The following CACNA1D variants were observed in gnomAD, a reference collection of about 807,000 sequenced individuals.
The protein encoded by CACNA1D is calcium voltage-gated channel subunit alpha1 D, also known as voltage-dependent L-type calcium channel subunit alpha-1D.
CACNA1D carries 55 observed loss-of-function variants against 257.1 expected under a neutral mutation model. The ratio of observed to expected loss-of-function variants is 0.21; its 90% CI spans 0.17 to 0.27. The LOEUF (loss-of-function observed/expected upper bound fraction) is 0.27. CACNA1D is among the 10% of genes least tolerant of loss of function. The pLI is 1.00. For synonymous variants in CACNA1D, 980 were observed against 1,014.9 expected (o/e 0.97, Z 0.65); for missense variants, 1,876 against 2,784.0 (o/e 0.67, Z 7.34).
At chr3:53,696,526 C>A (rs1390542450) in intron 8 of CACNA1D, among the ~76,000 whole-genome samples, 1 of 152,144 alleles carries the variant, frequency 6.6e-6, no homozygotes, top group Non-Finnish European at 1.5e-5. Flanking sequence ...GAGGGGGCCA[C>A]CCAGGGTAGG....
chr3:53,686,294 A>G (rs996923799), intron 8 of CACNA1D, among the ~76,000 whole-genome samples: 1 of 152,046 alleles, frequency 6.6e-6, no homozygotes, highest in Non-Finnish European at 1.5e-5. Flanking sequence ...CCGATTTAGA[A>G]AAAAATTATA....
intron 3 of CACNA1D, among the ~76,000 whole-genome samples, chr3:53,541,827 G>C (rs1186547554): frequency 6.6e-6 from 1 of 151,994 alleles, no homozygotes; most frequent in Non-Finnish European, 1.5e-5. Flanking sequence ...TTTGTATAAC[G>C]GTCTTTTACC....
At chr3:53,637,289 G>A (rs1021281978) in intron 3 of CACNA1D, among the ~76,000 whole-genome samples, 2 of 152,200 alleles carry the variant, frequency 1.3e-5, no homozygotes, top group Non-Finnish European at 2.9e-5. Context: ...TACCACTGCA[G>A]TATTCGTATT....
intron 8 of CACNA1D, among the ~76,000 whole-genome samples, chr3:53,677,102 T>C (rs1447834370): frequency 3.3e-5 from 5 of 152,236 alleles, no homozygotes; most frequent in African/African-American, 1.2e-4. Flanking sequence ...GGTTTTCATC[T>C]TTAGAATCAT....
At position 53,760,073 on chromosome 3, in the gene CACNA1D, G is replaced by A. The variant is rs3774566; in HGVS notation, c.3787-1925G>A. On this transcript the variant is annotated intron_variant, in intron 29 of 47. Coordinates refer to ENST00000350061, the MANE Select transcript of CACNA1D (RefSeq NM_001128840.3). Reference sequence around the variant, plus strand: ...CCAGGGAGGGTAGCAGTCAGTGAGGGTAAAATGGGAGAGAGGCACTGTGAT... The same window carrying A: ...CCAGGGAGGGTAGCAGTCAGTGAGGATAAAATGGGAGAGAGGCACTGTGAT... 8.7e-4 allele frequency among the ~76,000 whole-genome samples: 132 copies of A among 152,310 alleles called. No homozygotes were observed. In the East Asian group the frequency reaches 0.021, roughly 24 times the overall value.
chr3:53,648,384 G>A (rs2094045494), intron 3 of CACNA1D, among the ~76,000 whole-genome samples: 1 of 152,164 alleles, frequency 6.6e-6, no homozygotes, highest in Non-Finnish European at 1.5e-5. Flanking sequence ...TTTGCCTCTG[G>A]TTGAAGTAAC....
intron 40 of CACNA1D, among the ~76,000 whole-genome samples, chr3:53,797,166 A>T (rs560060078): frequency 6.6e-6 from 1 of 152,200 alleles, no homozygotes; most frequent in African/African-American, 2.4e-5. Context: ...ACTTGTGCCT[A>T]TGGAATTTTG....
At chr3:53,692,686 G>A (rs954042056) in intron 8 of CACNA1D, among the ~76,000 whole-genome samples, 3 of 152,170 alleles carry the variant, frequency 2.0e-5, no homozygotes, top group Non-Finnish European at 2.9e-5. Context: ...AGGAAACACC[G>A]ACTCTGAAAA....
intron 19 of CACNA1D, among the ~76,000 whole-genome samples, chr3:53,734,799 C>T (rs759136577): frequency 3.3e-5 from 5 of 152,166 alleles, no homozygotes; most frequent in Non-Finnish European, 1.5e-5. Context: ...ATAATAATAA[C>T]ATCTATTACA....
rs1467231279 is a variant in CACNA1D, at chr3:53,596,247, C to T, written c.484-54532C>T. ...TCACTGTGTGACCTTCATCCCCCCT[C>T]CCCCCACTCCCTGTACCCTTTGAGT... On this transcript the variant is annotated intron_variant, in intron 3 of 47. Coordinates refer to ENST00000350061, the MANE Select transcript of CACNA1D (RefSeq NM_001128840.3). Among the ~76,000 whole-genome samples the T allele has an allele frequency of 7.9e-5, 12 of 152,156 alleles. No individual in the cohort carries two copies. The East Asian group carries it at 1.4e-3, about 17-fold the overall frequency.
At position 53,717,908 on chromosome 3, in the gene CACNA1D, T is replaced by A. The variant is rs147896572; in HGVS notation, c.1391-393T>A. Among the ~76,000 whole-genome samples, 513 of 152,346 alleles carry A rather than the reference T, an allele frequency of 3.4e-3. 3 individuals carry two copies. Among genetic ancestry groups the A allele is most frequent in the African/African-American group, 0.012 (492 of 41,590 alleles). On this transcript the variant is annotated intron_variant, in intron 9 of 47. Coordinates refer to ENST00000350061, the MANE Select transcript of CACNA1D (RefSeq NM_001128840.3). Reference sequence around the variant, plus strand: ...TAGGGTTATTCACAGATGTTCTATATGCACCTTTTGGGGCAAGCAAAGATG... The same window carrying A: ...TAGGGTTATTCACAGATGTTCTATAAGCACCTTTTGGGGCAAGCAAAGATG...
At chr3:53,731,016 G>A (rs536111507) in intron 16 of CACNA1D, 61 bp from the exon 17 acceptor site, 3 of 1,013,044 alleles carry the variant, frequency 3.0e-6, no homozygotes, top group Admixed American at 1.8e-5. Flanking sequence ...ATCCTGATTA[G>A]CATTTTTATA....
At chr3:53,785,531 G>A (rs1414307398) in intron 39 of CACNA1D, 1 of 152,226 alleles carries the variant, frequency 6.6e-6, no homozygotes, top group African/African-American at 2.4e-5. Context: ...GGGTACATTA[G>A]TGAAGGATGA....
chr3:53,562,799 G>A (rs930638053), intron 3 of CACNA1D, among the ~76,000 whole-genome samples: 15 of 152,146 alleles, frequency 9.9e-5, no homozygotes, highest in Non-Finnish European at 2.2e-4. Context: ...AATATACCCG[G>A]CTGCAGAAGT....
chr3:53,672,916 A>G, intron 7 of CACNA1D, 107 bp from the exon 8 acceptor site: 1 of 754,226 alleles, frequency 1.3e-6, no homozygotes, highest in African/African-American at 1.8e-5. Context: ...TTTAAATCTA[A>G]GTAAATGTTT....
rs1348497418 is a variant in CACNA1D at position 53,800,354 on chromosome 3, G to A, written c.5029G>A (p.Asp1677Asn). The change falls in exon 41 of 48, where the codon GAT becomes AAT. Residue 1677 changes from aspartate to asparagine, a missense_variant. By Grantham distance (23) the Asp-to-Asn change is conservative (BLOSUM62 1). Around this residue, in one of 10 missense-constraint regions of CACNA1D, gnomAD observed 160 missense variants for 236.6 expected, o/e 0.68. Transcript: ENST00000350061. The surrounding 1 kb of genome is among the most constrained non-coding windows in gnomAD (Gnocchi z 4.3). The stretch of plus-strand genomic sequence containing the variant: ...GGAAACAAAACGAGAAGAAGAAGAT[G>A]ATGTGTTCAAAGTAATTATTCCACG... The part of the protein sequence containing the change: ...PEETKREEED[D>N]VFKRNGALLG... 1 of 1,606,212 alleles carries A rather than the reference G, an allele frequency of 6.2e-7. No homozygotes were observed. Among genetic ancestry groups the A allele is most frequent in the East Asian group, 2.2e-5 (1 of 44,860 alleles).
At chr3:53,617,615 A>G (rs1487082975) in intron 3 of CACNA1D, among the ~76,000 whole-genome samples, 1 of 152,150 alleles carries the variant, frequency 6.6e-6, no homozygotes, top group Non-Finnish European at 1.5e-5. Flanking sequence ...ACAGCTGAGG[A>G]AAAGGAAGTG....
rs117284960 is a variant in CACNA1D at position 53,653,251 on chromosome 3, A to C, written c.623+2333A>C. ...GGGTGACAGAGTGAGACTCCATTTC[A>C]AAAAAAAAAGCAAACTGATATGCTA... On this transcript the variant is annotated intron_variant, in intron 4 of 47. Coordinates refer to ENST00000350061, the MANE Select transcript of CACNA1D (RefSeq NM_001128840.3). Among the ~76,000 whole-genome samples, 41 of 149,210 alleles carry C rather than the reference A, an allele frequency of 2.7e-4. No individual in the cohort carries two copies. In the East Asian group the frequency reaches 8.0e-3, roughly 29 times the overall value.
chr3:53,653,720 C>CATAT (rs3082748), intron 4 of CACNA1D, among the ~76,000 whole-genome samples: 52,833 of 150,772 alleles, frequency 0.35, 9,993 homozygotes, highest in South Asian at 0.52. Flanking sequence ...AGTGGTCTAA[C>CATAT]ATATATATAT....
Sources: gnomAD v4.1 joint callset for allele counts (sites outside exome capture counted in the v4.1 genomes callset) on GRCh38, gnomAD v4.1.1 for gene constraint, gnomAD v4.1.1 regional missense constraint, Gnocchi (gnomAD v3.1) non-coding constraint, MANE v1.5 for transcripts, NCBI Gene and HGNC (gene_info 2026-07-23, HGNC 2026-07-21) for gene names.